Variants in GALNT13 observed in about 807,000 individuals in gnomAD.
GALNT13 encodes polypeptide N-acetylgalactosaminyltransferase 13, also known as UDP-GalNAc:polypeptide N-acetylgalactosaminyltransferase 13.
A neutral mutation model predicts 64.2 loss-of-function variants in GALNT13; 28 were observed. The observed-to-expected ratio is 0.44, with a 90% confidence interval of 0.32 to 0.60. GALNT13 has a LOEUF of 0.60. Ranked by LOEUF, GALNT13 falls within the 20% of genes least tolerant of loss-of-function variation. GALNT13 has a pLI of 0.05. For missense variants in GALNT13, 577 were observed against 669.8 expected (o/e 0.86, Z 1.53); for synonymous variants, 214 against 224.6 (o/e 0.95, Z 0.42).
the GALNT13 span, among the ~76,000 whole-genome samples, chr2:153,788,394 C>T: frequency 1.4e-5 from 2 of 144,044 alleles, no homozygotes; most frequent in Non-Finnish European, 3.1e-5. Context: ...CAAGTAAATG[C>T]TGAGGGAATT....
At chr2:153,283,203 C>T in the GALNT13 span, among the ~76,000 whole-genome samples, 1 of 152,156 alleles carries the variant, frequency 6.6e-6, no homozygotes, top group Non-Finnish European at 1.5e-5. Flanking sequence ...TGATGGCGGG[C>T]ACTAGTACTA....
intron 8 of GALNT13, among the ~76,000 whole-genome samples, chr2:154,275,422 C>G (rs1250770764): frequency 6.6e-6 from 1 of 152,190 alleles, no homozygotes; most frequent in Non-Finnish European, 1.5e-5. Context: ...CCCAGATGCT[C>G]TAGCTATGGG....
chr2:153,875,514 C>G (rs1686302116), intron 1 of GALNT13, among the ~76,000 whole-genome samples: 1 of 152,056 alleles, frequency 6.6e-6, no homozygotes, highest in Admixed American at 6.5e-5. Context: ...TCAGAGTGAA[C>G]TATGTTGTTA....
chr2:154,408,013 G>T (rs935591246), intron 10 of GALNT13, among the ~76,000 whole-genome samples: 5 of 152,080 alleles, frequency 3.3e-5, no homozygotes, highest in Non-Finnish European at 7.4e-5. Context: ...GTAAATATAT[G>T]TGTCCAATAA....
chr2:153,328,054 A>T, the GALNT13 span, among the ~76,000 whole-genome samples: 1 of 151,956 alleles, frequency 6.6e-6, no homozygotes, highest in Non-Finnish European at 1.5e-5. Context: ...TCTCATAGTC[A>T]GGTCCCTCTT....
the GALNT13 span, chr2:153,201,674 CAA>C: frequency 6.6e-6 from 1 of 152,042 alleles, no homozygotes; most frequent in Non-Finnish European, 1.5e-5. Flanking sequence ...CACACACACA[CAA>C]AAGATTATTT....
At chr2:154,180,268 T>C (rs951595276) in intron 4 of GALNT13, among the ~76,000 whole-genome samples, 4 of 152,116 alleles carry the variant, frequency 2.6e-5, no homozygotes, top group Non-Finnish European at 5.9e-5. Context: ...ATATAGAAAT[T>C]GTTTTTTGAG....
At chr2:153,448,090 T>C in the GALNT13 span, among the ~76,000 whole-genome samples, 2 of 152,214 alleles carry the variant, frequency 1.3e-5, no homozygotes, top group Non-Finnish European at 2.9e-5. Context: ...GCCAGAATTT[T>C]AACTGTAAAT....
chr2:153,606,930 A>T, the GALNT13 span, among the ~76,000 whole-genome samples: 1 of 150,622 alleles, frequency 6.6e-6, no homozygotes, highest in African/African-American at 2.4e-5. Flanking sequence ...ACTCCCTATC[A>T]ATCACTTCCA....
At chr2:153,161,402 G>C in the GALNT13 span, among the ~76,000 whole-genome samples, 105,776 of 152,008 alleles carry the variant, frequency 0.7, 37,106 homozygotes, top group African/African-American at 0.78. Context: ...ATATGATTTT[G>C]TATTGTGTGT....
At chr2:153,103,503 A>G in the GALNT13 span, among the ~76,000 whole-genome samples, 5 of 152,184 alleles carry the variant, frequency 3.3e-5, no homozygotes, top group Non-Finnish European at 7.3e-5. Context: ...ATTTTTCTCT[A>G]GTGGTGAAGA....
chr2:154,287,438 C>T, intron 8 of GALNT13: 2 of 421,094 alleles, frequency 4.7e-6, no homozygotes, highest in Non-Finnish European at 9.0e-6. Flanking sequence ...GCCCACCCTG[C>T]CTTCACCTCT....
At chr2:153,719,879 G>T in the GALNT13 span, among the ~76,000 whole-genome samples, 3 of 152,052 alleles carry the variant, frequency 2.0e-5, no homozygotes, top group African/African-American at 7.2e-5. Context: ...CAGCGAGGCT[G>T]GGGGAGGGGC....
At chr2:154,272,462 G>A (rs1209159745) in intron 8 of GALNT13, among the ~76,000 whole-genome samples, 1 of 151,992 alleles carries the variant, frequency 6.6e-6, no homozygotes, top group East Asian at 1.9e-4. Context: ...GTGGCTTTCT[G>A]ACCCTTCTCT....
chr2:153,473,571 T>A, the GALNT13 span, among the ~76,000 whole-genome samples: 1 of 152,272 alleles, frequency 6.6e-6, no homozygotes, highest in East Asian at 1.9e-4. Context: ...TGTGCATAGG[T>A]CTACATGGGA....
At chr2:154,239,184 A>G (rs1369534685) in intron 4 of GALNT13, among the ~76,000 whole-genome samples, 4 of 152,168 alleles carry the variant, frequency 2.6e-5, no homozygotes, top group Non-Finnish European at 5.9e-5. Context: ...TTTTAATCAC[A>G]AAGTAAAGCT....
intron 9 of GALNT13, among the ~76,000 whole-genome samples, chr2:154,385,778 T>C (rs1698485550): frequency 6.6e-6 from 1 of 151,934 alleles, no homozygotes; most frequent in Non-Finnish European, 1.5e-5. Context: ...CTTTCAATAA[T>C]GGTCCAATAT....
intron 4 of GALNT13, among the ~76,000 whole-genome samples, chr2:154,142,587 A>G (rs113568070): frequency 6.6e-6 from 1 of 151,448 alleles, no homozygotes; most frequent in African/African-American, 2.4e-5. Context: ...AGGAAAAGAA[A>G]AAAGAAAACC....
At chr2:154,112,092 T>C (rs1703018319) in intron 3 of GALNT13, among the ~76,000 whole-genome samples, 1 of 152,196 alleles carries the variant, frequency 6.6e-6, no homozygotes, top group Non-Finnish European at 1.5e-5. Flanking sequence ...AGGACAAACC[T>C]CTGCCCTTTC....
Sources: gnomAD v4.1 joint callset for allele counts (sites outside exome capture counted in the v4.1 genomes callset) on GRCh38, gnomAD v4.1.1 for gene constraint, MANE v1.5 for transcripts, NCBI Gene and HGNC (gene_info 2026-07-23, HGNC 2026-07-21) for gene names.